The following NAALADL2 variants were observed in gnomAD, a reference collection of about 807,000 sequenced individuals.
NAALADL2 encodes inactive N-acetylated-alpha-linked acidic dipeptidase-like protein 2.
A neutral mutation model predicts 87.2 loss-of-function variants in NAALADL2; 76 were observed. The observed-to-expected ratio is 0.87, with a 90% CI of 0.72 to 1.05. The LOEUF is 1.05. Among genes scored for constraint, NAALADL2 ranks in the 50% least tolerant of loss-of-function variants. The pLI is 0.00. For synonymous variants in NAALADL2, 354 were observed against 331.0 expected, an observed-to-expected ratio of 1.07 and a Z score of -0.75; for missense variants, 1,089 against 945.8, an observed-to-expected ratio of 1.15 and a Z score of -1.99.
chr3:175,703,464 C>T (rs1953159), intron 11 of NAALADL2, among the ~76,000 whole-genome samples: 39,473 of 152,020 alleles, frequency 0.26, 6,867 homozygotes, highest in African/African-American at 0.49. Flanking sequence ...CTAAGTTGGC[C>T]GGGCATGGTG....
chr3:175,020,013 AC>A (rs1003182071), intron 1 of NAALADL2, among the ~76,000 whole-genome samples: 2 of 152,058 alleles, frequency 1.3e-5, no homozygotes, highest in African/African-American at 4.8e-5. Flanking sequence ...GAATCCCAGA[AC>A]CCATCACAGT....
At chr3:174,561,201 CTTTTTT>C (rs200957982) in intron 2 of NAALADL2, among the ~76,000 whole-genome samples, 1 of 130,756 alleles carries the variant, frequency 7.6e-6, no homozygotes, top group East Asian at 2.4e-4. Flanking sequence ...AATAGGATTC[CTTTTTT>C]TTTTTTTTTT....
intron 11 of NAALADL2, among the ~76,000 whole-genome samples, chr3:175,642,438 A>G (rs528185765): frequency 6.6e-6 from 1 of 151,794 alleles, no homozygotes; most frequent in South Asian, 2.1e-4. Context: ...ACAACTTAAC[A>G]CTTTTGTTTT....
chr3:175,611,290 A>G (rs565592253), intron 10 of NAALADL2, among the ~76,000 whole-genome samples: 6 of 152,270 alleles, frequency 3.9e-5, no homozygotes, highest in Non-Finnish European at 2.9e-5. Flanking sequence ...TTTTTAAAAA[A>G]TACCTTATAA....
intron 2 of NAALADL2, among the ~76,000 whole-genome samples, chr3:175,230,585 A>G (rs1744804902): frequency 6.6e-6 from 1 of 152,066 alleles, no homozygotes; most frequent in Non-Finnish European, 1.5e-5. Context: ...CCCTCATTGT[A>G]GAGCGGAAAT....
intron 2 of NAALADL2, among the ~76,000 whole-genome samples, chr3:174,723,023 A>G (rs1731848866): frequency 1.3e-5 from 2 of 152,132 alleles, no homozygotes; most frequent in Non-Finnish European, 1.5e-5. Context: ...CCTAAAACAG[A>G]CATACATGTA....
At chr3:175,077,373 A>G (rs937222449) in intron 1 of NAALADL2, among the ~76,000 whole-genome samples, 2 of 152,238 alleles carry the variant, frequency 1.3e-5, no homozygotes, top group Admixed American at 1.3e-4. Context: ...GAAAACAACA[A>G]TAATGTACAC....
At chr3:175,733,827 C>T (rs1744121073) in intron 11 of NAALADL2, among the ~76,000 whole-genome samples, 1 of 152,188 alleles carries the variant, frequency 6.6e-6, no homozygotes, top group Non-Finnish European at 1.5e-5. Flanking sequence ...AATACAGGGG[C>T]TACAGGCTCC....
chr3:175,548,159 C>CA (rs570514063), intron 9 of NAALADL2, among the ~76,000 whole-genome samples: 60 of 152,158 alleles, frequency 3.9e-4, no homozygotes, highest in African/African-American at 1.2e-3. Flanking sequence ...CCTAAATGCT[C>CA]AACAATGAGA....
intron 4 of NAALADL2, among the ~76,000 whole-genome samples, chr3:175,263,607 G>A (rs1214444129): frequency 6.6e-6 from 1 of 151,782 alleles, no homozygotes; most frequent in Admixed American, 6.6e-5. Flanking sequence ...AATATAGTTA[G>A]CATTCATAAT....
intron 12 of NAALADL2, among the ~76,000 whole-genome samples, chr3:175,752,911 T>C (rs1746787924): frequency 6.6e-6 from 1 of 152,176 alleles, no homozygotes; most frequent in Admixed American, 6.5e-5. Flanking sequence ...ATGTGCTGTA[T>C]CCATCTTATT....
chr3:175,556,366 A>C (rs890221415), intron 9 of NAALADL2, among the ~76,000 whole-genome samples: 18 of 152,240 alleles, frequency 1.2e-4, no homozygotes, highest in Admixed American at 7.9e-4. Context: ...CTCATCTGTC[A>C]GATGACTATA....
At chr3:175,408,088 CAG>C (rs1446213311) in intron 5 of NAALADL2, among the ~76,000 whole-genome samples, 8 of 151,802 alleles carry the variant, frequency 5.3e-5, no homozygotes, top group African/African-American at 1.9e-4. Flanking sequence ...CTCATAGAAA[CAG>C]AGTAAGAAGT....
intron 5 of NAALADL2, among the ~76,000 whole-genome samples, chr3:175,428,617 C>A (rs935360100): frequency 1.3e-5 from 2 of 152,022 alleles, no homozygotes; most frequent in African/African-American, 4.8e-5. Context: ...TTCAATCTGT[C>A]TTCTTCATTC....
intron 3 of NAALADL2, among the ~76,000 whole-genome samples, chr3:174,794,408 T>C (rs1196162140): frequency 6.6e-6 from 1 of 152,134 alleles, no homozygotes; most frequent in African/African-American, 2.4e-5. Flanking sequence ...CTTTACATTC[T>C]AGGCGTATTA....
chr3:174,884,163 A>T (rs115653377), intron 1 of NAALADL2, among the ~76,000 whole-genome samples: 330 of 152,274 alleles, frequency 2.2e-3, no homozygotes, highest in Non-Finnish European at 3.8e-3. Flanking sequence ...TGTCATGGGA[A>T]CAGGAAGCAG....
intron 2 of NAALADL2, among the ~76,000 whole-genome samples, chr3:175,098,513 C>A (rs2108386908): frequency 6.6e-6 from 1 of 152,154 alleles, no homozygotes; most frequent in South Asian, 2.1e-4. Context: ...GATAGGGGGG[C>A]ATAACCTCAG....
At chr3:175,501,307 G>A (rs1325310228) in intron 9 of NAALADL2, among the ~76,000 whole-genome samples, 1 of 152,028 alleles carries the variant, frequency 6.6e-6, no homozygotes, top group East Asian at 1.9e-4. Context: ...TTGGCTTCAT[G>A]TTCAGGTAGG....
Position 175,667,241 on chromosome 3 carries a change from A to AAGAAAGAGAAAG in NAALADL2, c.1896+39856_1896+39857insGAAAGAGAAAGA, listed in dbSNP as rs1182682303. On this transcript the variant is annotated intron_variant, in intron 11 of 13. Transcript: ENST00000454872. ...AAAGAAAGAAAGAAAGAAAGAAAGA[A>AAGAAAGAGAAAG]AAAGAAAGAAAGAAAGAAAGAAAGG... is the stretch of plus-strand genomic sequence containing the variant. 1.1e-3 allele frequency among the ~76,000 whole-genome samples: 102 copies of AAGAAAGAGAAAG among 91,780 alleles called. 1 individual carries two copies. Among genetic ancestry groups the AAGAAAGAGAAAG allele is most frequent in the African/African-American group, 4.2e-3 (82 of 19,714 alleles). 60.2% of individuals were successfully genotyped at this position (91,780 alleles called of 152,430 possible).
Sources: gnomAD v4.1 joint callset for allele counts (sites outside exome capture counted in the v4.1 genomes callset) on GRCh38, gnomAD v4.1.1 for gene constraint, MANE v1.5 for transcripts, NCBI Gene and HGNC (gene_info 2026-07-23, HGNC 2026-07-21) for gene names.